The following ANKRD30B variants were observed in gnomAD, a reference collection of about 807,000 sequenced individuals.
The protein encoded by ANKRD30B is ankyrin repeat domain 30B.
A neutral mutation model predicts 202.2 loss-of-function variants in ANKRD30B; 144 were observed. That is an observed-to-expected ratio of 0.71 (90% CI 0.62 to 0.82). The LOEUF (loss-of-function observed/expected upper bound fraction) is 0.82. Ranked by LOEUF, ANKRD30B falls within the 40% of genes least tolerant of loss-of-function variation. The pLI, the probability that ANKRD30B is intolerant of heterozygous loss-of-function variation, is 0.00. For missense variants in ANKRD30B, 1,487 were observed against 1,669.1 expected (o/e 0.89, Z 1.90); for synonymous variants, 508 against 561.3 (o/e 0.91, Z 1.34).
At chr18:14,895,779 C>T in the ANKRD30B span, among the ~76,000 whole-genome samples, 3 of 152,230 alleles carry the variant, frequency 2.0e-5, no homozygotes, top group Non-Finnish European at 4.4e-5. Flanking sequence ...GAAAAAGCCA[C>T]ATACTGTATG....
chr18:14,885,376 T>C, the ANKRD30B span, among the ~76,000 whole-genome samples: 134 of 152,154 alleles, frequency 8.8e-4, 1 homozygote, highest in Non-Finnish European at 1.6e-4. Context: ...GGTATCAATT[T>C]TGCTTACTGG....
intron 16 of ANKRD30B, among the ~76,000 whole-genome samples, chr18:14,794,515 A>C (rs1371286687): frequency 6.6e-6 from 1 of 151,962 alleles, no homozygotes; most frequent in Non-Finnish European, 1.5e-5. Context: ...TCATATTTTT[A>C]CCTAAAACAA....
At chr18:14,937,694 C>T in the ANKRD30B span, among the ~76,000 whole-genome samples, 1 of 152,192 alleles carries the variant, frequency 6.6e-6, no homozygotes, top group South Asian at 2.1e-4. Context: ...TGTGAATTGT[C>T]CTCAATAAAT....
chr18:14,928,068 A>G, the ANKRD30B span, among the ~76,000 whole-genome samples: 1 of 152,028 alleles, frequency 6.6e-6, no homozygotes, highest in South Asian at 2.1e-4. Flanking sequence ...CCTAGGTTCA[A>G]GCGATTCTCC....
intron 26 of ANKRD30B, among the ~76,000 whole-genome samples, chr18:14,809,226 C>A (rs1378602372): frequency 1.3e-5 from 2 of 150,954 alleles, no homozygotes; most frequent in South Asian, 2.1e-4. Context: ...CTTTAACTAA[C>A]ATCTGTATGC....
chr18:14,873,064 A>G, the ANKRD30B span, among the ~76,000 whole-genome samples: 1 of 152,168 alleles, frequency 6.6e-6, no homozygotes, highest in Non-Finnish European at 1.5e-5. Context: ...AGATACCTAA[A>G]TAGATACATA....
At chr18:14,926,204 G>T in the ANKRD30B span, among the ~76,000 whole-genome samples, 1 of 152,134 alleles carries the variant, frequency 6.6e-6, no homozygotes, top group African/African-American at 2.4e-5. Flanking sequence ...GGGTAAAAAG[G>T]TCCAGCAAAT....
intron 39 of ANKRD30B, among the ~76,000 whole-genome samples, chr18:14,844,754 T>A (rs914579207): frequency 3.9e-5 from 6 of 152,300 alleles, no homozygotes; most frequent in Non-Finnish European, 7.4e-5. Context: ...TGTTGTTTCC[T>A]GACTTTTTAA....
chr18:14,809,645 A>G (rs1969790476), intron 26 of ANKRD30B, among the ~76,000 whole-genome samples: 2 of 150,828 alleles, frequency 1.3e-5, no homozygotes, highest in South Asian at 2.1e-4. Flanking sequence ...AACCTCCCTG[A>G]CTGCACGTCC....
chr18:14,872,442 G>A, the ANKRD30B span, among the ~76,000 whole-genome samples: 1 of 152,146 alleles, frequency 6.6e-6, no homozygotes, highest in African/African-American at 2.4e-5. Flanking sequence ...GCACTGGGAA[G>A]AGACCTTGTT....
the ANKRD30B span, among the ~76,000 whole-genome samples, chr18:14,939,736 C>T: frequency 2.0e-5 from 3 of 152,106 alleles, no homozygotes; most frequent in Non-Finnish European, 4.4e-5. Context: ...TGTCAGTGAT[C>T]AAAATAAATA....
chr18:14,880,975 G>C, the ANKRD30B span, among the ~76,000 whole-genome samples: 1 of 152,138 alleles, frequency 6.6e-6, no homozygotes, highest in Admixed American at 6.5e-5. Context: ...TCAGTTCTAG[G>C]AGCTTTCTAG....
At chr18:14,781,890 C>T (rs951345551) in intron 11 of ANKRD30B, among the ~76,000 whole-genome samples, 5 of 152,096 alleles carry the variant, frequency 3.3e-5, no homozygotes, top group Non-Finnish European at 7.4e-5. Context: ...TGTGGACTTC[C>T]CAAGTAAAAA....
chr18:14,925,199 G>A, the ANKRD30B span, among the ~76,000 whole-genome samples: 1 of 152,026 alleles, frequency 6.6e-6, no homozygotes, highest in African/African-American at 2.4e-5. Context: ...TTTGGATAGA[G>A]GCTGAGGAAG....
In ANKRD30B at chr18:14,791,437, T is replaced by G; in HGVS notation, c.1771T>G (p.Leu591Val). The change falls in exon 16 of 44, where the codon TTA (leucine) becomes GTA (valine). Residue 591 changes from leucine (L) to valine (V), a missense_variant. Physicochemically the swap from Leu to Val is conservative, Grantham distance 32. Around this residue, in one of 6 missense-constraint regions of ANKRD30B, gnomAD observed 889 missense variants for 841.4 expected, o/e 1.06. Coordinates refer to ENST00000690538, the MANE Select transcript of ANKRD30B (RefSeq NM_001367607.2). The part of the protein sequence containing the change: ...CETVSQKDVY[L>V]PKATHQKEFD... Reference sequence around the variant, plus strand: ...GACGGTTTCACAGAAGGATGTGTATTTACCCAAAGCTACACATCAAAAAGA... The same window carrying G: ...GACGGTTTCACAGAAGGATGTGTATGTACCCAAAGCTACACATCAAAAAGA... 6.2e-7 allele frequency: 1 copy of G among 1,611,462 alleles called. No individual in the cohort carries two copies. The highest frequency in any genetic ancestry group is 1.7e-5 in the Admixed American group (1 of 59,524).
At chr18:14,773,572 G>A (rs1967150315) in intron 9 of ANKRD30B, among the ~76,000 whole-genome samples, 1 of 151,990 alleles carries the variant, frequency 6.6e-6, no homozygotes, top group South Asian at 2.1e-4. Context: ...TCAGAGATAT[G>A]TAGTAAATAG....
chr18:14,791,032 T>G (rs1445382356), intron 15 of ANKRD30B, among the ~76,000 whole-genome samples: 2 of 152,310 alleles, frequency 1.3e-5, no homozygotes, highest in East Asian at 3.9e-4. Context: ...GGACTCTTTT[T>G]GGTTGGTAAG....
intron 12 of ANKRD30B, among the ~76,000 whole-genome samples, chr18:14,783,954 A>G (rs186680777): frequency 1.3e-5 from 2 of 152,256 alleles, no homozygotes; most frequent in East Asian, 3.9e-4. Context: ...ATAACTATGT[A>G]CCTTTCCAAA....
intron 8 of ANKRD30B, among the ~76,000 whole-genome samples, chr18:14,771,188 T>TG (rs1966982192): frequency 6.6e-6 from 1 of 152,224 alleles, no homozygotes; most frequent in African/African-American, 2.4e-5. Context: ...GAGTTTATCT[T>TG]TTCAGTAGTC....
Sources: allele counts gnomAD v4.1 joint callset (sites outside exome capture counted in the v4.1 genomes callset), GRCh38; gene constraint gnomAD v4.1.1; regional missense constraint gnomAD v4.1.1; transcripts MANE v1.5; gene names NCBI Gene and HGNC (gene_info 2026-07-23, HGNC 2026-07-21).